Variants in ZNG1F observed in about 807,000 individuals in gnomAD.
ZNG1F encodes the protein zinc-regulated GTPase metalloprotein activator 1F.
chr9:41,185,622 G>A, the ZNG1F span, among the ~76,000 whole-genome samples: 2 of 151,910 alleles, frequency 1.3e-5, no homozygotes, highest in South Asian at 2.1e-4. Context: ...GCAGTGAGCT[G>A]AGATTGCACC....
At chr9:41,173,974 C>T in the ZNG1F span, among the ~76,000 whole-genome samples, 1 of 148,968 alleles carries the variant, frequency 6.7e-6, no homozygotes, top group Non-Finnish European at 1.5e-5. Context: ...GTAATCCCAG[C>T]ACTTTGGGAG....
chr9:41,151,412 G>C, the ZNG1F span, among the ~76,000 whole-genome samples: 1 of 150,248 alleles, frequency 6.7e-6, no homozygotes, highest in African/African-American at 2.5e-5. Flanking sequence ...ATGGAACCAA[G>C]TTGGAAAACA....
the ZNG1F span, among the ~76,000 whole-genome samples, chr9:41,202,807 T>C: frequency 0.94 from 115,657 of 122,928 alleles, 54,506 homozygotes; most frequent in Middle Eastern, 0.98. Flanking sequence ...AGGTAATGAG[T>C]GTCGATACGC....
At chr9:41,145,242 A>C in the ZNG1F span, 2 of 330,462 alleles carry the variant, frequency 6.1e-6, no homozygotes, top group South Asian at 5.4e-5. Context: ...CTTTAAAAAC[A>C]TTGATTAGAA....
the ZNG1F span, chr9:41,157,199 C>G: frequency 6.8e-6 from 1 of 146,558 alleles, no homozygotes; most frequent in East Asian, 2.0e-4. Context: ...CGGTGGCTCA[C>G]GCCTGCAATC....
the ZNG1F span, among the ~76,000 whole-genome samples, chr9:41,193,580 C>T: frequency 6.8e-6 from 1 of 146,890 alleles, no homozygotes; most frequent in African/African-American, 2.5e-5. Context: ...GAAAAGTAAC[C>T]CAAAGTAACA....
the ZNG1F span, among the ~76,000 whole-genome samples, chr9:41,159,305 GCAATGATAGCTCAGTCTTGAACTCT>G: frequency 1.4e-5 from 2 of 144,202 alleles, no homozygotes; most frequent in African/African-American, 5.1e-5. Flanking sequence ...TGAGCAAACT[GCAATGATAGCTCAGTCTTGAACTCT>G]GGAAATAAAT....
the ZNG1F span, among the ~76,000 whole-genome samples, chr9:41,201,094 AT>A: frequency 4.9e-5 from 7 of 142,722 alleles, no homozygotes; most frequent in Non-Finnish European, 9.1e-5. Flanking sequence ...GTAAATATGT[AT>A]TTTTTATATG....
the ZNG1F span, among the ~76,000 whole-genome samples, chr9:41,185,311 A>G: frequency 7.2e-6 from 1 of 139,206 alleles, no homozygotes; most frequent in Non-Finnish European, 1.6e-5. Context: ...CTAATAACAG[A>G]AGCATTTTCA....
the ZNG1F span, chr9:41,164,194 GATAACCAATAAT>G: frequency 3.3e-5 from 1 of 30,392 alleles, no homozygotes; most frequent in South Asian, 1.4e-3. Flanking sequence ...ACACATTAAA[GATAACCAATAAT>G]AATAGCTACC....
At chr9:41,157,123 TAA>T in the ZNG1F span, 17 of 138,764 alleles carry the variant, frequency 1.2e-4, no homozygotes, top group African/African-American at 4.6e-4. Context: ...AGCAAATTTA[TAA>T]AGACTGGTGA....
chr9:41,155,949 A>AT, the ZNG1F span, among the ~76,000 whole-genome samples: 1 of 137,042 alleles, frequency 7.3e-6, no homozygotes, highest in African/African-American at 2.7e-5. Flanking sequence ...TAACCTGCAC[A>AT]TTGTGCACAT....
chr9:41,159,056 C>G, the ZNG1F span: 13 of 148,512 alleles, frequency 8.8e-5, 1 homozygote, highest in Non-Finnish European at 1.3e-4. Flanking sequence ...TTCCCTATGT[C>G]TAAAGGCTGC....
the ZNG1F span, chr9:41,165,014 T>C: frequency 1.9e-6 from 3 of 1,588,076 alleles, no homozygotes; most frequent in African/African-American, 2.7e-5. Flanking sequence ...AGTGTCGTTC[T>C]TAATTTCTTT....
chr9:41,183,617 C>T, the ZNG1F span: 1 of 1,602,714 alleles, frequency 6.2e-7, no homozygotes, highest in Non-Finnish European at 8.5e-7. Context: ...CTTCATAGAG[C>T]TCTCCACCTT....
At chr9:41,155,101 C>T in the ZNG1F span, among the ~76,000 whole-genome samples, 5 of 150,956 alleles carry the variant, frequency 3.3e-5, no homozygotes, top group East Asian at 7.8e-4. Flanking sequence ...TCGCAACCTA[C>T]TCATCTGACA....
At chr9:41,137,019 T>G in the ZNG1F span, among the ~76,000 whole-genome samples, 1 of 95,104 alleles carries the variant, frequency 1.1e-5, no homozygotes, top group Non-Finnish European at 2.1e-5. Flanking sequence ...CGCTCTGATC[T>G]TCTTTCTTCT....
At chr9:41,157,243 C>G in the ZNG1F span, 2 of 146,564 alleles carry the variant, frequency 1.4e-5, no homozygotes, top group Non-Finnish European at 3.0e-5. Context: ...GGGTGGATCA[C>G]AAGGTCAAGA....
the ZNG1F span, among the ~76,000 whole-genome samples, chr9:41,175,296 A>AT: frequency 3.5e-5 from 5 of 141,082 alleles, no homozygotes; most frequent in African/African-American, 1.1e-4. Flanking sequence ...ATACCTATTG[A>AT]TTTTTTTCCC....
Sources: gnomAD v4.1 joint callset for allele counts (sites outside exome capture counted in the v4.1 genomes callset) on GRCh38, gnomAD v4.1.1 for gene constraint, MANE v1.5 for transcripts, NCBI Gene and HGNC (gene_info 2026-07-23, HGNC 2026-07-21) for gene names.